The following EXOSC8 variants were observed in gnomAD, a reference collection of about 807,000 sequenced individuals.
The protein encoded by EXOSC8 is exosome complex component RRP43.
A neutral mutation model predicts 39.9 loss-of-function variants in EXOSC8; 37 were observed. The observed-to-expected ratio is 0.93, with a 90% CI of 0.71 to 1.22. EXOSC8 has a LOEUF of 1.22. Ranked by LOEUF, EXOSC8 falls within the 50% of genes most tolerant of loss-of-function variation. The pLI, the probability that EXOSC8 is intolerant of heterozygous loss-of-function variation, is 0.00. For synonymous variants in EXOSC8, 93 were observed against 109.5 expected, an observed-to-expected ratio of 0.85 and a Z score of 0.94; for missense variants, 313 against 326.6, an observed-to-expected ratio of 0.96 and a Z score of 0.32.
At chr13:37,001,408 G>GAATC (rs1019693775) in intron 1 of EXOSC8, 3 of 152,168 alleles carry the variant, frequency 2.0e-5, no homozygotes, top group African/African-American at 7.2e-5. Flanking sequence ...GACTCTGTCA[G>GAATC]AATCAATCAA....
At chr13:37,002,689 AAAGCC>A in intron 3 of EXOSC8, 138 bp downstream of exon 3, 1 of 680,892 alleles carries the variant, frequency 1.5e-6, no homozygotes, top group Non-Finnish European at 2.5e-6. Flanking sequence ...TATCCGTACA[AAAGCC>A]CTGTAACTAA....
At chr13:37,003,103 A>G (rs1456162040) in intron 4 of EXOSC8, 96 bp downstream of exon 4, 13 of 732,902 alleles carry the variant, frequency 1.8e-5, no homozygotes, top group Non-Finnish European at 9.3e-6. Flanking sequence ...TTGATTTGGT[A>G]GTTGGGTGTC....
At chr13:37,008,023 G>A (rs2059160407) in intron 8 of EXOSC8, 34 bp from the exon 9 acceptor site, 1 of 1,477,626 alleles carries the variant, frequency 6.8e-7, no homozygotes, top group Admixed American at 2.0e-5. Context: ...GTTTCTTAGA[G>A]ACTTACTTAC....
In EXOSC8 at chr13:37,004,502, CT is replaced by C. The variant is rs1309795595; in HGVS notation, c.193-11del. On this transcript the variant is annotated splice_polypyrimidine_tract_variant and intron_variant, in intron 4 of 10. Transcript: ENST00000389704. ...TAGCTTCTTTCAATAGGAAACATTT[CT>C]TTGCTACTATAGGAATTTGCAGCAC... The C allele has an allele frequency of 6.3e-7, 1 of 1,592,834 alleles. No individual in the cohort carries two copies. The highest frequency in any genetic ancestry group is 1.3e-5 in the African/African-American group (1 of 74,358).
At position 37,006,161 on chromosome 13, in the gene EXOSC8, G is replaced by A. The variant is rs374856940; in HGVS notation, c.390+1G>A. On this transcript the variant is annotated splice_donor_variant, in intron 7 of 10. Transcript: ENST00000389704. LOFTEE classifies it high-confidence loss of function. ...GGACTTATGCATTTCTCCAGGAAAG[G>A]TAAGAGGAATAGAGAAGCTATAAGT... The A allele has an allele frequency of 3.1e-6, 5 of 1,601,204 alleles. No homozygotes were observed. Among genetic ancestry groups the A allele is most frequent in the African/African-American group, 2.7e-5 (2 of 74,524 alleles).
chr13:37,002,029 TGAGCTTTTAAA>T lies in EXOSC8; in HGVS notation c.18-238_18-228del, dbSNP rs1441715741. 3.3e-5 allele frequency among the ~76,000 whole-genome samples: 5 copies of T among 152,230 alleles called. No individual in the cohort carries two copies. The South Asian group carries it at 8.3e-4, about 25-fold the overall frequency. On this transcript the variant is annotated intron_variant, in intron 1 of 10. Coordinates refer to ENST00000389704, the MANE Select transcript of EXOSC8 (RefSeq NM_181503.3). ...ACGACATGATTCTTTTGACACAGAT[TGAGCTTTTAAA>T]GAGCTCACTCAAAGGGCTTTTAGAC...
chr13:37,006,048 T>A, intron 6 of EXOSC8, 23 bp downstream of exon 6: 1 of 1,585,502 alleles, frequency 6.3e-7, no homozygotes, highest in Non-Finnish European at 8.7e-7. Context: ...TGATAAAATT[T>A]TATTACAATT....
intron 8 of EXOSC8, 125 bp from the exon 9 acceptor site, chr13:37,007,932 G>A: frequency 2.9e-6 from 2 of 693,024 alleles, no homozygotes; most frequent in South Asian, 1.8e-5. Flanking sequence ...TGGCTGTAAG[G>A]TGCTTTTTAA....
Position 37,006,115 on chromosome 13 carries a change from T to G in EXOSC8, c.345T>G (p.Asn115Lys), listed in dbSNP as rs750615205. Residue 115 changes from asparagine (N) to lysine (K), a missense_variant and splice_region_variant, in exon 7 of 11, where the codon AAT becomes AAG. Transcript: ENST00000389704. Reference sequence around the variant, plus strand: ...CTTTGCTCTTTGTCATTAAATCAAGTTCACAGATAATTCAGAAAGAGGACT... The same window carrying G: ...CTTTGCTCTTTGTCATTAAATCAAGGTCACAGATAATTCAGAAAGAGGACT... ...ASQFIADVIE[N>K]SQIIQKEDLC... 1 of 1,609,852 alleles carries G rather than the reference T, an allele frequency of 6.2e-7. No homozygotes were observed. Among genetic ancestry groups the G allele is most frequent in the Non-Finnish European group, 8.5e-7 (1 of 1,176,334 alleles).
chr13:37,001,972 A>C (rs1289818871), intron 1 of EXOSC8, among the ~76,000 whole-genome samples: 1 of 152,180 alleles, frequency 6.6e-6, no homozygotes, highest in African/African-American at 2.4e-5. Flanking sequence ...CATGATCACT[A>C]GATCACTCTG....
intron 1 of EXOSC8, 89 bp from the exon 2 acceptor site, chr13:37,002,183 GC>G: frequency 1.1e-6 from 1 of 914,474 alleles, no homozygotes; most frequent in Non-Finnish European, 1.8e-6. Context: ...GATTTATGCT[GC>G]ATCACCACAC....
rs59234766 is a variant in EXOSC8, at chr13:37,005,862, CAAAAAAAAAAAA to C, written c.239-46_239-35del. On this transcript the variant is annotated intron_variant, in intron 5 of 10. Transcript: ENST00000389704. ...CTGGCAACAGAGCAAGACTCCATCT[CAAAAAAAAAAAA>C]AAAAAAAAAAAGGTTTAGTTCATAG... The C allele has an allele frequency of 1.7e-5, 5 of 297,026 alleles. No homozygotes were observed. The East Asian group carries it at 2.4e-4, about 15-fold the overall frequency. 18.4% of individuals were successfully genotyped at this position (297,026 alleles called of 1,614,324 possible).
chr13:37,002,707 G>T lies in EXOSC8; in HGVS notation c.118+156G>T, dbSNP rs116120295. 3.9e-3 allele frequency among the ~76,000 whole-genome samples: 592 copies of T among 152,172 alleles called. 5 individuals are homozygous for T. The highest frequency in any genetic ancestry group is 0.014 in the African/African-American group (570 of 41,520). Reference sequence around the variant, plus strand: ...CCGTACAAAAGCCCTGTAACTAAATGAAAAATGATTAACACAAATTCAAGG... The same window carrying T: ...CCGTACAAAAGCCCTGTAACTAAATTAAAAATGATTAACACAAATTCAAGG... On this transcript the variant is annotated intron_variant, in intron 3 of 10. Coordinates refer to ENST00000389704, the MANE Select transcript of EXOSC8 (RefSeq NM_181503.3).
chr13:37,001,530 ACTTT>A (rs1246753468), intron 1 of EXOSC8: 1 of 152,242 alleles, frequency 6.6e-6, no homozygotes, highest in Non-Finnish European at 1.5e-5. Context: ...AAGCCAGTGG[ACTTT>A]CTTAAAGTTT....
At position 37,009,241 on chromosome 13, in the gene EXOSC8, GA is replaced by G. The variant is rs1338628932; in HGVS notation, c.774del (p.Arg258SerfsTer8). The G allele has an allele frequency of 4.3e-6, 7 of 1,613,608 alleles. No individual in the cohort carries two copies. Among genetic ancestry groups the G allele is most frequent in the Non-Finnish European group, 5.9e-6 (7 of 1,179,802 alleles). On this transcript the variant is annotated frameshift_variant, in exon 11 of 11. Transcript: ENST00000389704. LOFTEE classifies it high-confidence loss of function. Reference protein sequence around the residue: ...LQDCMSRAVTRHKEVKKLMDE... With the variant: ...LQDCMSRAVTXHKEVKKLMDE... Reference sequence around the variant, plus strand: ...GACTGTATGAGCCGAGCAGTTACAAGACACAAAGAAGTTAAAAAACTGATGG... The same window carrying G: ...GACTGTATGAGCCGAGCAGTTACAAGCACAAAGAAGTTAAAAAACTGATGG...
intron 8 of EXOSC8, among the ~76,000 whole-genome samples, 168 bp downstream of exon 8, chr13:37,007,239 T>C (rs2059145288): frequency 6.6e-6 from 1 of 152,256 alleles, no homozygotes; most frequent in Non-Finnish European, 1.5e-5. Context: ...CTGAATGCTC[T>C]TTAGAGTGCT....
At chr13:37,006,887 A>G in intron 7 of EXOSC8, 88 bp from the exon 8 acceptor site, 1 of 758,804 alleles carries the variant, frequency 1.3e-6, no homozygotes, top group South Asian at 1.6e-5. Context: ...TGTTTAACCA[A>G]GGGTTCTGTG....
intron 1 of EXOSC8, among the ~76,000 whole-genome samples, chr13:37,001,049 C>T (rs562009190): frequency 6.6e-6 from 1 of 152,254 alleles, no homozygotes; most frequent in South Asian, 2.1e-4. Flanking sequence ...AGTTCCATAC[C>T]CGCTGCGAGC....
chr13:37,002,415 G>A, intron 2 of EXOSC8, 73 bp from the exon 3 acceptor site: 1 of 1,331,716 alleles, frequency 7.5e-7, no homozygotes, highest in Non-Finnish European at 1.1e-6. Context: ...TTTAATGTGT[G>A]TGTAAAACTT....
Sources: allele counts gnomAD v4.1 joint callset (sites outside exome capture counted in the v4.1 genomes callset), GRCh38; gene constraint gnomAD v4.1.1; transcripts MANE v1.5; gene names NCBI Gene and HGNC (gene_info 2026-07-23, HGNC 2026-07-21).